MFAP2: variants seen among roughly 807,000 people sequenced by gnomAD.
MFAP2 encodes the protein microfibrillar-associated protein 2.
In MFAP2, 23 loss-of-function variants were observed where a neutral mutation model predicts 30.6. That is an observed-to-expected ratio of 0.75 (90% confidence interval 0.54 to 1.07). The LOEUF is 1.07. Ranked by LOEUF, MFAP2 falls within the 50% of genes least tolerant of loss-of-function variation. MFAP2 has a pLI of 0.00. For synonymous variants in MFAP2, 73 were observed against 85.7 expected (o/e 0.85, Z 0.82); for missense variants, 198 against 223.8 (o/e 0.88, Z 0.74).
At chr1:16,980,273 C>A (rs1169190678) in intron 1 of MFAP2, among the ~76,000 whole-genome samples, 3 of 134,030 alleles carry the variant, frequency 2.2e-5, no homozygotes, top group African/African-American at 8.1e-5. Context: ...CCGGACCCCC[C>A]CCCCCCACCC....
In MFAP2 at chr1:16,976,882, C is replaced by CCCCTAG; in HGVS notation, c.154+9_154+14dup. 6.2e-7 allele frequency: 1 copy of CCCCTAG among 1,614,140 alleles called. No individual in the cohort carries two copies. The highest frequency in any genetic ancestry group is 8.5e-7 in the Non-Finnish European group (1 of 1,179,996). On this transcript the variant is annotated intron_variant, in intron 4 of 8. Transcript: ENST00000375535. This position sits in a 1 kb window ranked among gnomAD's most constrained non-coding sequence, Gnocchi z 5.5. The stretch of plus-strand genomic sequence containing the variant: ...CCAGCTGCCGGCCCGTCCTATCCTA[C>CCCCTAG]CCCTAGCCCGTTACCTTGATAATCA...
rs2100578868 is a variant in MFAP2, at chr1:16,975,131, A to G, written c.449-108T>C. On this transcript the variant is annotated intron_variant, in intron 8 of 8. Coordinates refer to ENST00000375535, the MANE Select transcript of MFAP2 (RefSeq NM_002403.4). This position sits in a 1 kb window ranked among gnomAD's most constrained non-coding sequence, Gnocchi z 5.0. Reference sequence around the variant, plus strand: ...AGTGTTTTGAGGATGAAAAGTAGCAAGGAGGGGAGCTCAGGGTGTCCTGGA... The same window carrying G: ...AGTGTTTTGAGGATGAAAAGTAGCAGGGAGGGGAGCTCAGGGTGTCCTGGA... 7.7e-7 allele frequency: 1 copy of G among 1,299,034 alleles called. No homozygotes were observed. The highest frequency in any genetic ancestry group is 1.1e-6 in the Non-Finnish European group (1 of 917,306). The allele number at this position is 1,299,034 out of a possible 1,614,324, so 80.5% of individuals were successfully genotyped here.
chr1:16,977,228 C>A (rs1346719102), intron 2 of MFAP2, 30 bp from the exon 3 acceptor site: 1 of 1,607,910 alleles, frequency 6.2e-7, no homozygotes, highest in Non-Finnish European at 8.5e-7. Flanking sequence ...GTAGGGTACC[C>A]CATCGGGAGG....
At position 16,976,816 on chromosome 1, in the gene MFAP2, G is replaced by A. The variant is rs2076595913; in HGVS notation, c.155-22C>T. ...ACCTCTGCAGCCAGGGGAGGATAAG[G>A]GGGTCTGCTCCCTCTACCCCTCCCA... On this transcript the variant is annotated intron_variant, in intron 4 of 8. Coordinates refer to ENST00000375535, the MANE Select transcript of MFAP2 (RefSeq NM_002403.4). The surrounding 1 kb of genome is among the most constrained non-coding windows in gnomAD (Gnocchi z 5.5). The A allele has an allele frequency of 1.2e-6, 2 of 1,614,032 alleles. No homozygotes were observed. Among genetic ancestry groups the A allele is most frequent in the Admixed American group, 3.3e-5 (2 of 60,010 alleles).
In MFAP2 at chr1:16,975,399, TAGCCCAGACAGAACCTGGCACGGG is replaced by T; in HGVS notation, c.375-81_375-58del. On this transcript the variant is annotated intron_variant, in intron 7 of 8. Transcript: ENST00000375535. This position sits in a 1 kb window ranked among gnomAD's most constrained non-coding sequence, Gnocchi z 5.0. ...CCACTTCCACCCAATCCCACTGGGA[TAGCCCAGACAGAACCTGGCACGGG>T]AGCCCGGACAGAACCTGGCACGGGA... 2 of 1,581,202 alleles carry T rather than the reference TAGCCCAGACAGAACCTGGCACGGG, an allele frequency of 1.3e-6. No individual in the cohort carries two copies. The highest frequency in any genetic ancestry group is 1.7e-6 in the Non-Finnish European group (2 of 1,156,032).
Position 16,976,677 on chromosome 1 carries a change from G to A in MFAP2, c.241+31C>T. Reference sequence around the variant, plus strand: ...GGTGGGGAGGGGTGAGGCAGGAGCTGAGACGGGTGGGAGCAGGGTCTGGGG... The same window carrying A: ...GGTGGGGAGGGGTGAGGCAGGAGCTAAGACGGGTGGGAGCAGGGTCTGGGG... On this transcript the variant is annotated intron_variant, in intron 5 of 8. Transcript: ENST00000375535. This position sits in a 1 kb window ranked among gnomAD's most constrained non-coding sequence, Gnocchi z 5.5. 1 of 1,612,178 alleles carries A rather than the reference G, an allele frequency of 6.2e-7. No homozygotes were observed.
chr1:16,976,223 G>T lies in MFAP2; in HGVS notation c.286+278C>A. The stretch of plus-strand genomic sequence containing the variant: ...ACTCAGTCTCTCTGGCTGGCAGGAA[G>T]CCCCCAGCACACTCCCTGCCCCTCC... On this transcript the variant is annotated intron_variant, in intron 6 of 8. Transcript: ENST00000375535. This position sits in a 1 kb window ranked among gnomAD's most constrained non-coding sequence, Gnocchi z 5.5. The T allele has an allele frequency of 1.7e-6, 1 of 578,806 alleles. No individual in the cohort carries two copies. The allele number at this position is 578,806 out of a possible 1,614,324, so 35.9% of individuals were successfully genotyped here. A position where few individuals can be genotyped will look rare whatever the true frequency, so the allele number is the denominator to read the frequency against.
Position 16,978,282 on chromosome 1 carries a change from A to G in MFAP2, c.-9T>C. Reference sequence around the variant, plus strand: ...AGGTAGGCAGCTCTCATGGCAACAAAGAGGCAGGCCGGGGTGGTGTCAGAG... The same window carrying G: ...AGGTAGGCAGCTCTCATGGCAACAAGGAGGCAGGCCGGGGTGGTGTCAGAG... On this transcript the variant is annotated 5_prime_UTR_variant, in exon 2 of 9. Coordinates refer to ENST00000375535, the MANE Select transcript of MFAP2 (RefSeq NM_002403.4). The G allele has an allele frequency of 6.3e-7, 1 of 1,576,406 alleles. No homozygotes were observed. The highest frequency in any genetic ancestry group is 8.6e-7 in the Non-Finnish European group (1 of 1,160,568).
chr1:16,978,219 G>C lies in MFAP2; in HGVS notation c.37+18C>G. 1 of 1,565,056 alleles carries C rather than the reference G, an allele frequency of 6.4e-7. No individual in the cohort carries two copies. The highest frequency in any genetic ancestry group is 1.2e-5 in the South Asian group (1 of 84,972). ...CCCCACATAAGAGGAGCTACCCCCT[G>C]CCCCAGGAGCCACTTACCAGGCAGG... is the stretch of plus-strand genomic sequence containing the variant. On this transcript the variant is annotated intron_variant, in intron 2 of 8. Coordinates refer to ENST00000375535, the MANE Select transcript of MFAP2 (RefSeq NM_002403.4).
intron 1 of MFAP2, among the ~76,000 whole-genome samples, chr1:16,979,691 C>T (rs911612615): frequency 6.6e-6 from 1 of 152,220 alleles, no homozygotes; most frequent in Non-Finnish European, 1.5e-5. Flanking sequence ...TCGGTCGGAG[C>T]CCCCGCTGCT....
rs1570737689 is a variant in MFAP2, at chr1:16,976,377, G to A, written c.286+124C>T. The A allele has an allele frequency of 7.9e-6, 10 of 1,260,288 alleles. No homozygotes were observed. Among genetic ancestry groups the A allele is most frequent in the East Asian group, 2.3e-5 (1 of 43,230 alleles). The allele number at this position is 1,260,288 out of a possible 1,614,324, so 78.1% of individuals were successfully genotyped here. ...GATGCCAGCCTACGGCAGTCATACT[G>A]CCCACACTGCCAAGAGCCCACATGG... On this transcript the variant is annotated intron_variant, in intron 6 of 8. Transcript: ENST00000375535. The surrounding 1 kb of genome is among the most constrained non-coding windows in gnomAD (Gnocchi z 5.5).
upstream of MFAP2, among the ~76,000 whole-genome samples, chr1:16,981,287 C>T (rs1046095315): frequency 2.0e-5 from 3 of 152,192 alleles, no homozygotes; most frequent in African/African-American, 7.2e-5. Flanking sequence ...CCGGCCATAA[C>T]CAGCACCTCT....
chr1:16,975,570 C>T lies in MFAP2; in HGVS notation c.374+73G>A. On this transcript the variant is annotated intron_variant, in intron 7 of 8. Transcript: ENST00000375535. This position sits in a 1 kb window ranked among gnomAD's most constrained non-coding sequence, Gnocchi z 5.0. ...TTCCTCCAACTCCCACCTTGGCGGGCCAGAGCTGTCCCCTGTGCCCTCTAG... is the reference window on the plus strand; with the variant it reads ...TTCCTCCAACTCCCACCTTGGCGGGTCAGAGCTGTCCCCTGTGCCCTCTAG... 1 of 1,494,780 alleles carries T rather than the reference C, an allele frequency of 6.7e-7. No individual in the cohort carries two copies. The highest frequency in any genetic ancestry group is 9.3e-7 in the Non-Finnish European group (1 of 1,079,734). 92.6% of individuals were successfully genotyped at this position (1,494,780 alleles called of 1,614,324 possible).
upstream of MFAP2, among the ~76,000 whole-genome samples, chr1:16,981,172 T>C (rs1380564367): frequency 6.6e-6 from 1 of 152,202 alleles, no homozygotes; most frequent in African/African-American, 2.4e-5. Context: ...TCTTGCTGTG[T>C]TGCCCAGGCT....
rs1329804902 is a variant in MFAP2, at chr1:16,975,288, G to T, written c.429C>A (p.Ala143=). The T allele has an allele frequency of 1.2e-6, 2 of 1,613,806 alleles. No individual in the cohort carries two copies. The highest frequency in any genetic ancestry group is 2.7e-5 in the African/African-American group (2 of 74,888). Residue 143 remains alanine (A), a synonymous_variant, in exon 8 of 9, where the codon GCC becomes GCA. Coordinates refer to ENST00000375535, the MANE Select transcript of MFAP2 (RefSeq NM_002403.4). This position sits in a 1 kb window ranked among gnomAD's most constrained non-coding sequence, Gnocchi z 5.0. ...NKEICVRTVC[A]HEELLRADLC... is the part of the protein sequence containing the mutation. ...TCCTACCTCGGAGGAGCTCCTCATG[G>T]GCACACACTGTACGAACACAGATCT...
rs913930223 is a variant in MFAP2 at position 16,975,977 on chromosome 1, C to T, written c.287-247G>A. On this transcript the variant is annotated intron_variant, in intron 6 of 8. Coordinates refer to ENST00000375535, the MANE Select transcript of MFAP2 (RefSeq NM_002403.4). This position sits in a 1 kb window ranked among gnomAD's most constrained non-coding sequence, Gnocchi z 5.0. ...AAGTTCAAACAGAAATTTGCACCCA[C>T]CCATGCATCGCCACAAAAGCCCATA... is the stretch of plus-strand genomic sequence containing the variant. Among the ~76,000 whole-genome samples, 3 of 152,186 alleles carry T rather than the reference C, an allele frequency of 2.0e-5. No individual in the cohort carries two copies. Among genetic ancestry groups the T allele is most frequent in the Non-Finnish European group, 4.4e-5 (3 of 68,030 alleles).
rs1040537940 is a variant in MFAP2 at position 16,976,124 on chromosome 1, CAGCT to C, written c.286+373_286+376del. 8 of 485,398 alleles carry C rather than the reference CAGCT, an allele frequency of 1.6e-5. No homozygotes were observed. Among genetic ancestry groups the C allele is most frequent in the East Asian group, 3.9e-5 (1 of 25,948 alleles). The allele number at this position is 485,398 out of a possible 1,614,324, so 30.1% of individuals were successfully genotyped here. Reference sequence around the variant, plus strand: ...CACACACCTTGTTCTTTCAAGCTCTCAGCTAGGGCAGCCGGAGGGCACCGCTCAG... The same window carrying C: ...CACACACCTTGTTCTTTCAAGCTCTCAGGGCAGCCGGAGGGCACCGCTCAG... On this transcript the variant is annotated intron_variant, in intron 6 of 8. Transcript: ENST00000375535. This position sits in a 1 kb window ranked among gnomAD's most constrained non-coding sequence, Gnocchi z 5.5.
At position 16,976,155 on chromosome 1, in the gene MFAP2, C is replaced by T; in HGVS notation, c.286+346G>A. On this transcript the variant is annotated intron_variant, in intron 6 of 8. Transcript: ENST00000375535. This position sits in a 1 kb window ranked among gnomAD's most constrained non-coding sequence, Gnocchi z 5.5. ...GGGCAGCCGGAGGGCACCGCTCAGC[C>T]AGCCTGCACTCCCTGGCCCTTCCTC... is the stretch of plus-strand genomic sequence containing the variant. 1 of 514,148 alleles carries T rather than the reference C, an allele frequency of 1.9e-6. No individual in the cohort carries two copies. The highest frequency in any genetic ancestry group is 3.5e-6 in the Non-Finnish European group (1 of 284,042). The allele number at this position is 514,148 out of a possible 1,614,324, so 31.8% of individuals were successfully genotyped here. A position where few individuals can be genotyped will look rare whatever the true frequency, so the allele number is the denominator to read the frequency against.
In MFAP2 at chr1:16,977,186, G is replaced by A; in HGVS notation, c.50C>T (p.Ala17Val). 1.2e-6 allele frequency: 2 copies of A among 1,613,406 alleles called. No individual in the cohort carries two copies. Among genetic ancestry groups the A allele is most frequent in the Middle Eastern group, 1.6e-4 (1 of 6,062 alleles). The change falls in exon 3 of 9, where the codon GCT (alanine) becomes GTT (valine). Residue 17 changes from alanine to valine, a missense_variant. Coordinates refer to ENST00000375535, the MANE Select transcript of MFAP2 (RefSeq NM_002403.4). ...CGGGTCCAGGTCATACTGGCCCTGA[G>A]CCAGCAAGCCTGCTGTGGGGAGGCA... is the stretch of plus-strand genomic sequence containing the variant. Reference protein sequence around the residue: ...FLLFLPAGLLAQGQYDLDPLP... With the variant: ...FLLFLPAGLLVQGQYDLDPLP...
Sources: gnomAD v4.1 joint callset for allele counts (sites outside exome capture counted in the v4.1 genomes callset) on GRCh38, gnomAD v4.1.1 for gene constraint, Gnocchi (gnomAD v3.1) non-coding constraint, MANE v1.5 for transcripts, NCBI Gene and HGNC (gene_info 2026-07-23, HGNC 2026-07-21) for gene names.